Variants in KMT2C observed in about 807,000 individuals in gnomAD.
KMT2C encodes the protein histone-lysine N-methyltransferase 2C.
KMT2C carries 88 observed loss-of-function variants against 507.9 expected under a neutral mutation model. The ratio of observed to expected loss-of-function variants is 0.17; its 90% CI spans 0.15 to 0.21. The LOEUF is 0.21. Among genes scored for constraint, KMT2C ranks in the 10% least tolerant of loss-of-function variants. The probability of loss-of-function intolerance (pLI) is 1.00; values close to 1 mark genes in which losing one functional copy is unlikely to be tolerated. For missense variants in KMT2C, 4,954 were observed against 5,957.8 expected (o/e 0.83, Z 5.55); for synonymous variants, 2,049 against 2,080.8 (o/e 0.98, Z 0.42).
intron 23 of KMT2C, among the ~76,000 whole-genome samples, chr7:152,215,711 A>AATATAT (rs751875357): frequency 7.2e-6 from 1 of 139,296 alleles, no homozygotes; most frequent in Admixed American, 7.1e-5. Flanking sequence ...ACACACACAA[A>AATATAT]ATATATATAT....
chr7:152,177,648 G>C lies in KMT2C; in HGVS notation c.7805C>G (p.Pro2602Arg), dbSNP rs554736363. The C allele has an allele frequency of 6.2e-7, 1 of 1,614,136 alleles. No homozygotes were observed. The highest frequency in any genetic ancestry group is 2.2e-5 in the East Asian group (1 of 44,866). The part of the protein sequence containing the change: ...NFIPRPDFPG[P>R]RHTDPMRRPP... Reference sequence around the variant, plus strand: ...TCGTCGCATGGGGTCTGTGTGTCTAGGGCCCGGAAAGTCTGGCCGGGGAAT... The same window carrying C: ...TCGTCGCATGGGGTCTGTGTGTCTACGGCCCGGAAAGTCTGGCCGGGGAAT... Residue 2602 changes from proline to arginine, a missense_variant, in exon 38 of 59, where the codon CCT (proline) becomes CGT (arginine). Physicochemically the swap from Pro to Arg is moderately radical, Grantham distance 103 (BLOSUM62 -2). Transcript: ENST00000262189.
intron 5 of KMT2C, 73 bp from the exon 6 acceptor site, chr7:152,310,148 A>G: frequency 1.0e-6 from 1 of 976,386 alleles, no homozygotes; most frequent in South Asian, 1.4e-5. Flanking sequence ...TAAAGACATA[A>G]AACTTCAAAA....
At chr7:152,246,345 T>C (rs111465797) in intron 14 of KMT2C, among the ~76,000 whole-genome samples, 7 of 151,692 alleles carry the variant, frequency 4.6e-5, no homozygotes, top group South Asian at 4.2e-4. Context: ...GGCAGAAAAA[T>C]AGAAAGATTA....
intron 18 of KMT2C, among the ~76,000 whole-genome samples, chr7:152,229,404 C>A (rs1298071381): frequency 1.3e-5 from 2 of 152,158 alleles, no homozygotes; most frequent in Admixed American, 1.3e-4. Flanking sequence ...AAAGGTTCCC[C>A]AGAAAGCCTC....
chr7:152,208,300 CT>C (rs1377377615), intron 23 of KMT2C, among the ~76,000 whole-genome samples: 7 of 152,196 alleles, frequency 4.6e-5, no homozygotes, highest in Non-Finnish European at 8.8e-5. Flanking sequence ...CTTCCACTAT[CT>C]TCCCCAATTT....
chr7:152,175,301 A>G (rs2093151012), intron 38 of KMT2C, among the ~76,000 whole-genome samples: 1 of 151,960 alleles, frequency 6.6e-6, no homozygotes, highest in South Asian at 2.1e-4. Flanking sequence ...GCACGCTGCT[A>G]TGCCCAGCTA....
chr7:152,208,826 A>T (rs1167235974), intron 23 of KMT2C, among the ~76,000 whole-genome samples: 1 of 152,182 alleles, frequency 6.6e-6, no homozygotes, highest in African/African-American at 2.4e-5. Flanking sequence ...GGCCAATTCC[A>T]TAACAATCTG....
intron 6 of KMT2C, among the ~76,000 whole-genome samples, chr7:152,284,246 G>A (rs1367586118): frequency 6.6e-6 from 1 of 151,912 alleles, no homozygotes; most frequent in Non-Finnish European, 1.5e-5. Flanking sequence ...GTTTGGTTTT[G>A]GTAAAAGGAG....
rs1587558935 is a variant in KMT2C, at chr7:152,136,476, G to T, written c.*356C>A. ...GGGCAGCCATCGGCTCTTTGCCCCA[G>T]TAAAAGTTTCTCCTTAGTGAGACTA... is the stretch of plus-strand genomic sequence containing the variant. On this transcript the variant is annotated 3_prime_UTR_variant, in exon 59 of 59. Transcript: ENST00000262189. 6.8e-5 allele frequency: 18 copies of T among 263,732 alleles called. No individual in the cohort carries two copies. The East Asian group carries it at 1.0e-3, about 15-fold the overall frequency. The allele number at this position is 263,732 out of a possible 1,614,324, so 16.3% of individuals were successfully genotyped here.
chr7:152,335,238 C>T (rs2096923187), intron 2 of KMT2C, among the ~76,000 whole-genome samples: 1 of 152,140 alleles, frequency 6.6e-6, no homozygotes, highest in Admixed American at 6.5e-5. Context: ...ACTCTCTCTG[C>T]CTGCCTATTA....
At chr7:152,255,157 A>ATATATATGTGTGTG (rs767823858) in intron 9 of KMT2C, among the ~76,000 whole-genome samples, 1 of 128,376 alleles carries the variant, frequency 7.8e-6, no homozygotes, top group Non-Finnish European at 1.6e-5. Flanking sequence ...ATATATATAT[A>ATATATATGTGTGTG]TGTGTGTGTG....
intron 1 of KMT2C, among the ~76,000 whole-genome samples, chr7:152,417,878 G>A (rs955115959): frequency 4.7e-5 from 7 of 147,508 alleles, no homozygotes; most frequent in Non-Finnish European, 7.4e-5. Flanking sequence ...TCTTCACCTC[G>A]TCATCCACCC....
chr7:152,137,222 G>A (rs920842003), intron 58 of KMT2C: 9 of 266,468 alleles, frequency 3.4e-5, no homozygotes, highest in African/African-American at 1.8e-4. Context: ...GGATGGAGGG[G>A]ACTGGAAGGG....
In KMT2C at chr7:152,315,162, G is replaced by A. The variant is rs74812754; in HGVS notation, c.566C>T (p.Pro189Leu). 4 of 1,613,944 alleles carry A rather than the reference G, an allele frequency of 2.5e-6. No homozygotes were observed. The highest frequency in any genetic ancestry group is 1.3e-5 in the African/African-American group (1 of 75,018). The change falls in exon 4 of 59, where the codon CCA (proline) becomes CTA (leucine). Residue 189 changes from proline to leucine, a missense_variant. By Grantham distance (98) the Pro-to-Leu change is moderately conservative (BLOSUM62 -3). This residue lies in a region of KMT2C where 233 missense variants were observed against 263.6 expected (regional missense o/e 0.88). Coordinates refer to ENST00000262189, the MANE Select transcript of KMT2C (RefSeq NM_170606.3). ...CTTTCTCTGTCCTCTTTGTTTTCGT[G>A]GTGCTGAGTTTTGCATTTTCTCATA... ...GTYEKMQNSAPRKQRGQRKER... is the reference protein window; with the variant it reads ...GTYEKMQNSALRKQRGQRKER...
At chr7:152,199,546 A>G in intron 26 of KMT2C, 87 bp from the exon 27 acceptor site, 5 of 738,744 alleles carry the variant, frequency 6.8e-6, no homozygotes, top group Non-Finnish European at 1.0e-5. Context: ...ACAAGGAAGC[A>G]GAAATAACAG....
intron 1 of KMT2C, among the ~76,000 whole-genome samples, chr7:152,433,872 C>T (rs574873769): frequency 1.1e-4 from 17 of 152,368 alleles, no homozygotes; most frequent in African/African-American, 3.8e-4. Flanking sequence ...TGCGCGTGTG[C>T]GCGTGCACAA....
intron 2 of KMT2C, among the ~76,000 whole-genome samples, chr7:152,344,643 C>T (rs1463588246): frequency 2.6e-5 from 4 of 151,238 alleles, no homozygotes; most frequent in Non-Finnish European, 5.9e-5. Flanking sequence ...AAAGAGAGAA[C>T]TGTGCTAAGA....
intron 26 of KMT2C, among the ~76,000 whole-genome samples, chr7:152,201,692 C>T (rs1216175338): frequency 2.4e-5 from 3 of 126,124 alleles, no homozygotes; most frequent in South Asian, 2.6e-4. Context: ...ATTAAATGAT[C>T]GTTTAAAAAA....
At chr7:152,355,644 G>A (rs979567273) in intron 2 of KMT2C, among the ~76,000 whole-genome samples, 1 of 152,106 alleles carries the variant, frequency 6.6e-6, no homozygotes, top group Non-Finnish European at 1.5e-5. Flanking sequence ...AGAGTGGTTA[G>A]CTGTGTGAAA....
Sources: allele counts gnomAD v4.1 joint callset (sites outside exome capture counted in the v4.1 genomes callset), GRCh38; gene constraint gnomAD v4.1.1; regional missense constraint gnomAD v4.1.1; transcripts MANE v1.5; gene names NCBI Gene and HGNC (gene_info 2026-07-23, HGNC 2026-07-21).